Variants in LRP2 observed in about 807,000 individuals in gnomAD.
LRP2 encodes the protein LDL receptor related protein 2, also known as low-density lipoprotein receptor-related protein 2.
A neutral mutation model predicts 531.0 loss-of-function variants in LRP2; 172 were observed. The observed-to-expected ratio is 0.32, with a 90% CI of 0.29 to 0.37. LRP2 has a LOEUF of 0.37. Among genes scored for constraint, LRP2 ranks in the 10% least tolerant of loss-of-function variants. The probability of loss-of-function intolerance (pLI) is 1.00; values close to 1 mark genes in which losing one functional copy is unlikely to be tolerated. For missense variants in LRP2, 5,167 were observed against 5,868.3 expected (o/e 0.88, Z 3.90); for synonymous variants, 1,992 against 2,027.6 (o/e 0.98, Z 0.47).
At chr2:169,332,484 T>C (rs1685293333) in intron 1 of LRP2, among the ~76,000 whole-genome samples, 1 of 152,200 alleles carries the variant, frequency 6.6e-6, no homozygotes, top group Non-Finnish European at 1.5e-5. Flanking sequence ...CTAAATTTCA[T>C]GAGACCTAGC....
At chr2:169,338,408 GA>G (rs1378936956) in intron 1 of LRP2, among the ~76,000 whole-genome samples, 356 of 118,414 alleles carry the variant, frequency 3.0e-3, no homozygotes, top group Admixed American at 8.9e-3. Context: ...AAGAAAGAAA[GA>G]AAAGAAAAGA....
chr2:169,215,690 T>C (rs114068163), intron 35 of LRP2, among the ~76,000 whole-genome samples: 2,599 of 148,256 alleles, frequency 0.018, 71 homozygotes, highest in African/African-American at 0.06. Context: ...ATAATAGATA[T>C]ATATTCTGTA....
intron 50 of LRP2, among the ~76,000 whole-genome samples, chr2:169,183,927 A>G (rs1047353831): frequency 6.6e-6 from 1 of 152,092 alleles, no homozygotes; most frequent in Non-Finnish European, 1.5e-5. Flanking sequence ...ACTGGGCTCC[A>G]TTCTGCCTTT....
intron 16 of LRP2, among the ~76,000 whole-genome samples, chr2:169,259,742 C>T (rs1243542850): frequency 2.0e-5 from 1 of 49,976 alleles, no homozygotes; most frequent in Non-Finnish European, 4.5e-5. Flanking sequence ...AAAACAACAA[C>T]AACAAAAAAA....
Position 169,139,536 on chromosome 2 carries a change from A to T in LRP2, c.13267+7T>A. 11 of 1,614,152 alleles carry T rather than the reference A, an allele frequency of 6.8e-6. No individual in the cohort carries two copies. The highest frequency in any genetic ancestry group is 9.3e-6 in the Non-Finnish European group (11 of 1,180,002). ...ATTTCCAAGTTGCTCACATTCTTAA[A>T]ACTTACTTGTTCCTGGAGAGATGCC... On this transcript the variant is annotated splice_region_variant and intron_variant, in intron 73 of 78. Coordinates refer to ENST00000649046, the MANE Select transcript of LRP2 (RefSeq NM_004525.3).
intron 56 of LRP2, 60 bp from the exon 57 acceptor site, chr2:169,173,284 G>A: frequency 6.2e-7 from 1 of 1,604,534 alleles, no homozygotes; most frequent in Non-Finnish European, 8.5e-7. Flanking sequence ...CCTTTCCATT[G>A]TCACATTGAG....
rs1213119986 is a variant in LRP2 at position 169,205,558 on chromosome 2, C to A, written c.7636G>T (p.Val2546Leu). The A allele has an allele frequency of 6.2e-7, 1 of 1,614,100 alleles. No individual in the cohort carries two copies. Among genetic ancestry groups the A allele is most frequent in the East Asian group, 2.2e-5 (1 of 44,870 alleles). Residue 2546 changes from valine to leucine, a missense_variant, in exon 41 of 79, where the codon GTG becomes TTG. By Grantham distance (32) the Val-to-Leu change is conservative. Around this residue, in one of 6 missense-constraint regions of LRP2, gnomAD observed 1,129 missense variants for 1,362.7 expected, o/e 0.83. Transcript: ENST00000649046. ...CTGGGCATGACCAGACTGCTGTTCA[C>A]AATGGGTACGCGGAAGTTTCCTCCC... is the stretch of plus-strand genomic sequence containing the variant. ...TLGGNFRVPIVNSSLVMPSGL... is the reference protein window; with the variant it reads ...TLGGNFRVPILNSSLVMPSGL...
chr2:169,190,523 C>T (rs754747685), intron 48 of LRP2, among the ~76,000 whole-genome samples: 83 of 152,314 alleles, frequency 5.4e-4, no homozygotes, highest in Non-Finnish European at 8.1e-4. Context: ...GGTACATTAG[C>T]GCCTGTTGAT....
intron 67 of LRP2, among the ~76,000 whole-genome samples, chr2:169,151,391 A>G (rs1686117547): frequency 6.6e-6 from 1 of 152,142 alleles, no homozygotes; most frequent in Admixed American, 6.5e-5. Context: ...CAAGATAACT[A>G]CCATAGACAC....
intron 16 of LRP2, among the ~76,000 whole-genome samples, chr2:169,264,755 G>C (rs1351172466): frequency 6.6e-6 from 1 of 151,992 alleles, no homozygotes; most frequent in African/African-American, 2.4e-5. Flanking sequence ...CAAAGGCAGG[G>C]GCGAGGAACT....
Position 169,182,160 on chromosome 2 carries a change from A to T in LRP2, c.9998+7T>A. 1.9e-6 allele frequency: 3 copies of T among 1,614,064 alleles called. No individual in the cohort carries two copies. Among genetic ancestry groups the T allele is most frequent in the Non-Finnish European group, 2.5e-6 (3 of 1,179,974 alleles). ...AAGAAAAGCCCAGGATTGCAGGGAG[A>T]CAATACCCATATTGAGGGTGAAGGG... On this transcript the variant is annotated splice_region_variant and intron_variant, in intron 51 of 78. Coordinates refer to ENST00000649046, the MANE Select transcript of LRP2 (RefSeq NM_004525.3).
At chr2:169,225,545 T>C in intron 32 of LRP2, 92 bp from the exon 33 acceptor site, 11 of 1,449,148 alleles carry the variant, frequency 7.6e-6, no homozygotes, top group Non-Finnish European at 1.1e-5. Context: ...CCAGCTGCTG[T>C]ATTTCTTGAA....
At chr2:169,274,764 A>C (rs1211245262) in intron 14 of LRP2, among the ~76,000 whole-genome samples, 2 of 152,132 alleles carry the variant, frequency 1.3e-5, no homozygotes, top group Non-Finnish European at 2.9e-5. Context: ...TATACCCCCA[A>C]GCATCTTTGC....
At chr2:169,302,614 G>A (rs141276770) in intron 4 of LRP2, among the ~76,000 whole-genome samples, 4 of 152,224 alleles carry the variant, frequency 2.6e-5, no homozygotes, top group East Asian at 1.9e-4. Context: ...TGTGAAGGTC[G>A]AGAAACCCTG....
intron 46 of LRP2, among the ~76,000 whole-genome samples, chr2:169,194,963 C>A (rs1687957164): frequency 6.6e-6 from 1 of 152,070 alleles, no homozygotes; most frequent in South Asian, 2.1e-4. Flanking sequence ...CCTGCCTTGG[C>A]CTCCCAAAGC....
intron 50 of LRP2, chr2:169,182,568 C>T (rs969511939): frequency 2.0e-5 from 27 of 1,359,410 alleles, no homozygotes; most frequent in Non-Finnish European, 2.6e-5. Context: ...GGGGGACACA[C>T]TTCATTCGAC....
At chr2:169,161,578 A>G (rs1686588993) in intron 63 of LRP2, among the ~76,000 whole-genome samples, 1 of 152,128 alleles carries the variant, frequency 6.6e-6, no homozygotes, top group Non-Finnish European at 1.5e-5. Context: ...CACTCAAGCC[A>G]TCCTTCCACC....
At position 169,186,033 on chromosome 2, in the gene LRP2, G is replaced by A. The variant is rs765842409; in HGVS notation, c.9329-14C>T. The stretch of plus-strand genomic sequence containing the variant: ...ATTCATTAATGCCTGTAGGTAAAAA[G>A]CAGTTCTTAGAGATCCTAAAATATC... On this transcript the variant is annotated splice_polypyrimidine_tract_variant and intron_variant, in intron 49 of 78. Coordinates refer to ENST00000649046, the MANE Select transcript of LRP2 (RefSeq NM_004525.3). The A allele has an allele frequency of 3.1e-6, 5 of 1,611,446 alleles. No individual in the cohort carries two copies. In the Admixed American group the frequency reaches 6.7e-5, roughly 21 times the overall value.
intron 6 of LRP2, among the ~76,000 whole-genome samples, chr2:169,292,830 C>T (rs831021): frequency 0.58 from 54,079 of 93,414 alleles, 11,760 homozygotes; most frequent in African/African-American, 0.64. Flanking sequence ...GAGACCCTGT[C>T]TCAAAAAAAA....
Sources: allele counts gnomAD v4.1 joint callset (sites outside exome capture counted in the v4.1 genomes callset), GRCh38; gene constraint gnomAD v4.1.1; regional missense constraint gnomAD v4.1.1; transcripts MANE v1.5; gene names NCBI Gene and HGNC (gene_info 2026-07-23, HGNC 2026-07-21).